PIK3AP1: variants seen among roughly 807,000 people sequenced by gnomAD.
The protein encoded by PIK3AP1 is phosphoinositide 3-kinase adapter protein 1.
PIK3AP1 carries 21 observed loss-of-function variants against 88.1 expected under a neutral mutation model. That is an observed-to-expected ratio of 0.24 (90% CI 0.17 to 0.34). The LOEUF (loss-of-function observed/expected upper bound fraction) is 0.34. Among genes scored for constraint, PIK3AP1 ranks in the 10% least tolerant of loss-of-function variants. PIK3AP1 has a pLI of 1.00. For missense variants in PIK3AP1, 828 were observed against 1,035.7 expected (o/e 0.80, Z 2.75); for synonymous variants, 398 against 400.0 (o/e 1.00, Z 0.06).
intron 2 of PIK3AP1, among the ~76,000 whole-genome samples, chr10:96,702,885 C>A (rs905149042): frequency 6.6e-6 from 1 of 151,874 alleles, no homozygotes; most frequent in Non-Finnish European, 1.5e-5. Context: ...CTTTATTTTT[C>A]TTTTTCTTTG....
rs561820106 is a variant in PIK3AP1 at position 96,706,878 on chromosome 10, G to A, written c.430+2689C>T. ...AGCAAACCCAAGTCATCCTAGCACC[G>A]ACAGAGATCTTGAATCCCCAAATTC... On this transcript the variant is annotated intron_variant, in intron 2 of 16. Transcript: ENST00000339364. 9.8e-5 allele frequency among the ~76,000 whole-genome samples: 15 copies of A among 152,288 alleles called. No homozygotes were observed. The South Asian group carries it at 1.4e-3, about 15-fold the overall frequency.
intron 2 of PIK3AP1, among the ~76,000 whole-genome samples, chr10:96,671,521 C>T (rs1316696865): frequency 6.6e-6 from 1 of 151,516 alleles, no homozygotes; most frequent in East Asian, 1.9e-4. Flanking sequence ...AGTCATCATA[C>T]TGATGGTAAG....
intron 2 of PIK3AP1, among the ~76,000 whole-genome samples, chr10:96,676,674 A>G (rs924397275): frequency 7.6e-6 from 1 of 131,182 alleles, no homozygotes; most frequent in Non-Finnish European, 1.6e-5. Context: ...TTTTTTTTTG[A>G]AAGAATGACC....
chr10:96,645,485 T>G lies in PIK3AP1; in HGVS notation c.1363A>C (p.Thr455Pro). Residue 455 changes from threonine to proline, a missense_variant, in exon 8 of 17, where the codon ACT (threonine) becomes CCT (proline). By Grantham distance (38) the Thr-to-Pro change is conservative. Transcript: ENST00000339364. The stretch of plus-strand genomic sequence containing the variant: ...TTGTGCTACTTACAGAGGTCTTCAG[T>G]GGCAGCTGGGACAAAGGCAGCCATG... ...ESMAAFVPAA[T>P]EDLYVEMLQA... is the part of the protein sequence containing the mutation. 1 of 1,613,566 alleles carries G rather than the reference T, an allele frequency of 6.2e-7. No individual in the cohort carries two copies. Among genetic ancestry groups the G allele is most frequent in the Non-Finnish European group, 8.5e-7 (1 of 1,179,806 alleles).
chr10:96,697,223 G>A (rs1305943258), intron 2 of PIK3AP1, among the ~76,000 whole-genome samples: 2 of 152,180 alleles, frequency 1.3e-5, no homozygotes, highest in Admixed American at 6.5e-5. Flanking sequence ...CCCACCCCGA[G>A]TGAGTGACGG....
intron 2 of PIK3AP1, among the ~76,000 whole-genome samples, chr10:96,689,545 G>A (rs1026445150): frequency 1.1e-4 from 16 of 144,668 alleles, no homozygotes; most frequent in Admixed American, 2.1e-4. Context: ...ACTCCAGCCC[G>A]GGCAACAGAG....
At chr10:96,602,786 C>T (rs1414707339) in intron 15 of PIK3AP1, among the ~76,000 whole-genome samples, 1 of 152,194 alleles carries the variant, frequency 6.6e-6, no homozygotes, top group Non-Finnish European at 1.5e-5. Context: ...GTCCCTGGAT[C>T]AAGCTAGACA....
At chr10:96,658,514 G>T (rs144742382) in intron 2 of PIK3AP1, among the ~76,000 whole-genome samples, 2 of 152,148 alleles carry the variant, frequency 1.3e-5, no homozygotes, top group Non-Finnish European at 2.9e-5. Flanking sequence ...GTATCCTATT[G>T]CTGTAACTAT....
At chr10:96,605,823 C>T (rs1010580957) in intron 14 of PIK3AP1, among the ~76,000 whole-genome samples, 5 of 152,138 alleles carry the variant, frequency 3.3e-5, no homozygotes, top group African/African-American at 4.8e-5. Context: ...CGGTGGCTCA[C>T]GCCTGTAATC....
At chr10:96,697,750 A>C (rs1249945589) in intron 2 of PIK3AP1, among the ~76,000 whole-genome samples, 1 of 152,052 alleles carries the variant, frequency 6.6e-6, no homozygotes, top group Non-Finnish European at 1.5e-5. Flanking sequence ...AAAAAGTAAC[A>C]CATGAACACA....
intron 2 of PIK3AP1, among the ~76,000 whole-genome samples, chr10:96,663,398 G>A (rs1843719420): frequency 6.6e-6 from 1 of 152,004 alleles, no homozygotes; most frequent in Non-Finnish European, 1.5e-5. Flanking sequence ...GGTAGGTTGA[G>A]GCAGGTGGAT....
intron 2 of PIK3AP1, among the ~76,000 whole-genome samples, chr10:96,706,220 C>CT (rs1260885068): frequency 1.2e-4 from 18 of 151,926 alleles, no homozygotes; most frequent in African/African-American, 3.9e-4. Flanking sequence ...TATTGGGATT[C>CT]TTTTTTTTAA....
In PIK3AP1 at chr10:96,711,739, A is replaced by ATTTTTTTTTTTTT. The variant is rs763923650; in HGVS notation, c.14-1769_14-1757dup. ...ATTTCCCCCAGGATGAGATTACCAAATTTTTTTTTTTTTTTTTTTTTTTTT... is the reference window on the plus strand; with the variant it reads ...ATTTCCCCCAGGATGAGATTACCAAATTTTTTTTTTTTTTTTTTTTTTTTTTTTTTTTTTTTTT... On this transcript the variant is annotated intron_variant, in intron 1 of 16. Coordinates refer to ENST00000339364, the MANE Select transcript of PIK3AP1 (RefSeq NM_152309.3). 3.8e-4 allele frequency among the ~76,000 whole-genome samples: 25 copies of ATTTTTTTTTTTTT among 66,446 alleles called. 3 individuals are homozygous for ATTTTTTTTTTTTT. The highest frequency in any genetic ancestry group is 1.7e-3 in the African/African-American group (24 of 14,256). The allele number at this position is 66,446 out of a possible 152,430, so 43.6% of individuals were successfully genotyped here.
intron 8 of PIK3AP1, among the ~76,000 whole-genome samples, chr10:96,637,397 T>C (rs1388909250): frequency 3.3e-5 from 5 of 151,786 alleles, no homozygotes; most frequent in Admixed American, 3.3e-4. Context: ...AGGGTCCCAC[T>C]CTGTCACCCA....
At chr10:96,694,384 G>A (rs1389540419) in intron 2 of PIK3AP1, among the ~76,000 whole-genome samples, 1 of 152,092 alleles carries the variant, frequency 6.6e-6, no homozygotes, top group Admixed American at 6.5e-5. Flanking sequence ...CACTAACTGT[G>A]TAATACTGGG....
rs1302023975 is a variant in PIK3AP1 at position 96,709,691 on chromosome 10, G to A, written c.306C>T (p.Leu102=). The change falls in exon 2 of 17, where the codon CTC becomes CTT. Residue 102 remains leucine, a synonymous_variant. Transcript: ENST00000339364. ...FHPPHRVVRL[L]CGVRDSEEFL... is the part of the protein sequence containing the mutation. Reference sequence around the variant, plus strand: ...ACTCCTCGCTGTCCCGCACGCCGCAGAGCAGCCTGACCACGCGGTGCGGAG... The same window carrying A: ...ACTCCTCGCTGTCCCGCACGCCGCAAAGCAGCCTGACCACGCGGTGCGGAG... 6.2e-7 allele frequency: 1 copy of A among 1,614,256 alleles called. No individual in the cohort carries two copies. The highest frequency in any genetic ancestry group is 8.5e-7 in the Non-Finnish European group (1 of 1,180,048).
chr10:96,595,983 ATCTTG>A (rs1848747213), intron 16 of PIK3AP1, among the ~76,000 whole-genome samples: 1 of 152,172 alleles, frequency 6.6e-6, no homozygotes, highest in African/African-American at 2.4e-5. Flanking sequence ...ATGTTTTGCC[ATCTTG>A]GGGCCTTGCT....
At chr10:96,648,028 C>T (rs978548595) in intron 7 of PIK3AP1, among the ~76,000 whole-genome samples, 1 of 152,134 alleles carries the variant, frequency 6.6e-6, no homozygotes. Context: ...ACTGGGCATA[C>T]CTGCCTGTCT....
chr10:96,684,367 C>G lies in PIK3AP1; in HGVS notation c.430+25200G>C, dbSNP rs143502372. ...CCAGGAATGGGATGCTGGTTTCCTC[C>G]CAGGTGCCAACTCTAGTGGAACGGC... On this transcript the variant is annotated intron_variant, in intron 2 of 16. Coordinates refer to ENST00000339364, the MANE Select transcript of PIK3AP1 (RefSeq NM_152309.3). Among the ~76,000 whole-genome samples the G allele has an allele frequency of 2.6e-3, 389 of 152,288 alleles. 1 individual carries two copies. The highest frequency in any genetic ancestry group is 3.3e-3 in the Non-Finnish European group (226 of 68,032).
Sources: allele counts gnomAD v4.1 joint callset (sites outside exome capture counted in the v4.1 genomes callset), GRCh38; gene constraint gnomAD v4.1.1; transcripts MANE v1.5; gene names NCBI Gene and HGNC (gene_info 2026-07-23, HGNC 2026-07-21).